COLGALT2: variants seen among roughly 807,000 people sequenced by gnomAD.
COLGALT2 encodes the protein collagen beta(1-O)galactosyltransferase 2, also known as procollagen galactosyltransferase 2.
A neutral mutation model predicts 73.4 loss-of-function variants in COLGALT2; 49 were observed. The observed-to-expected ratio is 0.67, with a 90% CI of 0.53 to 0.85. The LOEUF is 0.85. Among genes scored for constraint, COLGALT2 ranks in the 40% least tolerant of loss-of-function variants. COLGALT2 has a pLI of 0.00. For missense variants in COLGALT2, 722 were observed against 790.2 expected, an observed-to-expected ratio of 0.91 and a Z score of 1.03; for synonymous variants, 295 against 307.6, an observed-to-expected ratio of 0.96 and a Z score of 0.43.
At chr1:183,941,053 C>T (rs1255288456) in intron 10 of COLGALT2, among the ~76,000 whole-genome samples, 1 of 152,148 alleles carries the variant, frequency 6.6e-6, no homozygotes, top group Non-Finnish European at 1.5e-5. Flanking sequence ...AGTAAGATGT[C>T]GTAAGATTAA....
chr1:184,035,715 A>T (rs190554863), intron 1 of COLGALT2, among the ~76,000 whole-genome samples: 321 of 151,470 alleles, frequency 2.1e-3, no homozygotes, highest in East Asian at 4.8e-3. Context: ...AATATCTCTT[A>T]AAAAAAACAC....
At chr1:183,972,234 T>C (rs919448487) in intron 4 of COLGALT2, among the ~76,000 whole-genome samples, 2 of 152,208 alleles carry the variant, frequency 1.3e-5, no homozygotes, top group Admixed American at 1.3e-4. Context: ...GCCTCCCGAA[T>C]AGATGGAACT....
intron 6 of COLGALT2, among the ~76,000 whole-genome samples, chr1:183,955,075 C>A (rs1254629701): frequency 6.6e-6 from 1 of 152,128 alleles, no homozygotes; most frequent in Non-Finnish European, 1.5e-5. Flanking sequence ...TCCCTTAAGA[C>A]TTATTTCAAG....
downstream of COLGALT2, among the ~76,000 whole-genome samples, chr1:183,931,032 A>G (rs61824767): frequency 2.0e-5 from 3 of 152,106 alleles, no homozygotes; most frequent in Non-Finnish European, 4.4e-5. Context: ...CAATGTATGT[A>G]ATGTTTTCTT....
At chr1:183,954,982 A>G in intron 6 of COLGALT2, 144 bp from the exon 7 acceptor site, 1 of 667,134 alleles carries the variant, frequency 1.5e-6, no homozygotes, top group South Asian at 1.7e-5. Context: ...TCCAGGATTG[A>G]GTAGCCACAC....
intron 1 of COLGALT2, among the ~76,000 whole-genome samples, chr1:184,023,382 A>G (rs1649232684): frequency 6.6e-6 from 1 of 152,166 alleles, no homozygotes; most frequent in Non-Finnish European, 1.5e-5. Context: ...GTATTTCTAT[A>G]TAATGACACT....
At chr1:184,016,164 C>A (rs1648994507) in intron 1 of COLGALT2, among the ~76,000 whole-genome samples, 1 of 152,146 alleles carries the variant, frequency 6.6e-6, no homozygotes, top group Admixed American at 6.5e-5. Flanking sequence ...GAATTTTTCA[C>A]TTTGATTATA....
At chr1:184,000,825 A>ATTTTT (rs149091262) in intron 1 of COLGALT2, among the ~76,000 whole-genome samples, 4 of 113,224 alleles carry the variant, frequency 3.5e-5, no homozygotes, top group African/African-American at 7.0e-5. Context: ...TCAGCCCCCC[A>ATTTTT]TTTTTTTTTT....
chr1:183,930,136 G>T (rs532290877), exon 12 of COLGALT2: 1 of 452,004 alleles, frequency 2.2e-6, no homozygotes, highest in Admixed American at 2.4e-5. Context: ...TACAGGGGAG[G>T]TGGGAAATGC....
chr1:183,954,799 A>T lies in COLGALT2; in HGVS notation c.992T>A (p.Val331Asp). The change falls in exon 7 of 12, where the codon GTT (valine) becomes GAT (aspartate). Residue 331 changes from valine (V) to aspartate (D), a missense_variant. Val to Asp is a radical substitution (Grantham distance 152, BLOSUM62 -3). Coordinates refer to ENST00000361927, the MANE Select transcript of COLGALT2 (RefSeq NM_015101.4). ...PPMEPSQYVS[V>D]VPKYPDKMGF... is the part of the protein sequence containing the mutation. ...CATCTTGTCTGGATATTTAGGGACA[A>T]CTGAGACATACTGGGAGGGTTCCAT... 3 of 1,613,396 alleles carry T rather than the reference A, an allele frequency of 1.9e-6. No individual in the cohort carries two copies. Among genetic ancestry groups the T allele is most frequent in the Non-Finnish European group, 2.5e-6 (3 of 1,179,436 alleles).
chr1:183,960,877 G>A (rs530580919), intron 6 of COLGALT2, among the ~76,000 whole-genome samples: 51 of 152,208 alleles, frequency 3.4e-4, no homozygotes, highest in Admixed American at 8.5e-4. Context: ...TGGACACCCC[G>A]TTCCTATTCT....
chr1:184,006,360 G>A (rs905904356), intron 1 of COLGALT2, among the ~76,000 whole-genome samples: 26 of 152,122 alleles, frequency 1.7e-4, no homozygotes, highest in African/African-American at 5.6e-4. Context: ...CGAGGTGGGC[G>A]GATCACCTGA....
At chr1:184,012,610 T>C (rs1648846105) in intron 1 of COLGALT2, among the ~76,000 whole-genome samples, 1 of 152,206 alleles carries the variant, frequency 6.6e-6, no homozygotes, top group Non-Finnish European at 1.5e-5. Context: ...AAATTCATCC[T>C]CACTGTGCAT....
chr1:183,968,030 T>A lies in COLGALT2; in HGVS notation c.832+1239A>T, dbSNP rs533544384. Among the ~76,000 whole-genome samples, 191 of 152,316 alleles carry A rather than the reference T, an allele frequency of 1.3e-3. 1 individual carries two copies. Among genetic ancestry groups the A allele is most frequent in the African/African-American group, 4.3e-3 (178 of 41,564 alleles). ...AACTGATGAGTGGGACATCTATGGC[T>A]TTAAGGAGAGTCTGATGTGTGAATT... On this transcript the variant is annotated intron_variant, in intron 5 of 11. Transcript: ENST00000361927.
At chr1:183,958,240 C>T (rs1341879834) in intron 6 of COLGALT2, among the ~76,000 whole-genome samples, 1 of 152,148 alleles carries the variant, frequency 6.6e-6, no homozygotes, top group Non-Finnish European at 1.5e-5. Flanking sequence ...ATTTCTAAAA[C>T]TCCAGTCTAC....
intron 6 of COLGALT2, 97 bp downstream of exon 6, chr1:183,963,804 G>A: frequency 7.0e-6 from 9 of 1,282,908 alleles, no homozygotes; most frequent in Non-Finnish European, 9.5e-6. Flanking sequence ...GAGACTGATG[G>A]CTGTGAGATT....
chr1:184,016,887 T>C (rs1188518793), intron 1 of COLGALT2, among the ~76,000 whole-genome samples: 1 of 152,234 alleles, frequency 6.6e-6, no homozygotes, highest in Non-Finnish European at 1.5e-5. Flanking sequence ...CCTCTTCATA[T>C]AGCAAATATC....
intron 1 of COLGALT2, among the ~76,000 whole-genome samples, chr1:184,024,831 A>G (rs1649285371): frequency 6.6e-6 from 1 of 152,162 alleles, no homozygotes; most frequent in African/African-American, 2.4e-5. Context: ...CAATCCATGC[A>G]TAGACAACTG....
rs1553214945 is a variant in COLGALT2, at chr1:184,037,465, G to T, written c.-108C>A. On this transcript the variant is annotated 5_prime_UTR_variant, in exon 1 of 12. Transcript: ENST00000361927. ...AGCAAGGGGCTGCGAGGGGCGGCCGGGGGATGCGGCTTGCCGCGGCCGGCC... is the reference window on the plus strand; with the variant it reads ...AGCAAGGGGCTGCGAGGGGCGGCCGTGGGATGCGGCTTGCCGCGGCCGGCC... The T allele has an allele frequency of 8.3e-7, 1 of 1,206,546 alleles. No individual in the cohort carries two copies. Among genetic ancestry groups the T allele is most frequent in the Non-Finnish European group, 1.0e-6 (1 of 973,390 alleles). The allele number at this position is 1,206,546 out of a possible 1,614,324, so 74.7% of individuals were successfully genotyped here.
Sources: allele counts gnomAD v4.1 joint callset (sites outside exome capture counted in the v4.1 genomes callset), GRCh38; gene constraint gnomAD v4.1.1; transcripts MANE v1.5; gene names NCBI Gene and HGNC (gene_info 2026-07-23, HGNC 2026-07-21).